The following WDR17 variants were observed in gnomAD, a reference collection of about 807,000 sequenced individuals.
WDR17 encodes the protein WD repeat-containing protein 17.
In WDR17, 143 loss-of-function variants were observed where a neutral mutation model predicts 161.7. That is an observed-to-expected ratio of 0.88 (90% confidence interval 0.77 to 1.02). The LOEUF (loss-of-function observed/expected upper bound fraction) is 1.02, where lower values mean the gene tolerates loss of function less well. Ranked by LOEUF, WDR17 falls within the 50% of genes least tolerant of loss-of-function variation. The pLI is 0.00. For synonymous variants in WDR17, 517 were observed against 515.6 expected (o/e 1.00, Z -0.04); for missense variants, 1,469 against 1,520.9 (o/e 0.97, Z 0.57).
chr4:176,168,792 A>C lies in WDR17; in HGVS notation c.3102+9A>C. The stretch of plus-strand genomic sequence containing the variant: ...ATGACCTTCATGATAAGGTATGCTG[A>C]TGATGTTAAATATTCTGGTTTGGAA... On this transcript the variant is annotated intron_variant, in intron 23 of 28. Coordinates refer to ENST00000508596, the MANE Select transcript of WDR17 (RefSeq NM_181265.4). 6.2e-7 allele frequency: 1 copy of C among 1,604,136 alleles called. No individual in the cohort carries two copies. The highest frequency in any genetic ancestry group is 1.1e-5 in the South Asian group (1 of 88,636).
Position 176,102,120 on chromosome 4 carries a change from A to G in WDR17, c.-6-9455A>G, listed in dbSNP as rs561193829. Among the ~76,000 whole-genome samples, 16 of 152,324 alleles carry G rather than the reference A, an allele frequency of 1.1e-4. No individual in the cohort carries two copies. In the South Asian group the frequency reaches 3.3e-3, roughly 32 times the overall value. Reference sequence around the variant, plus strand: ...GAAAATATTTGCACATCTGCTAAAGATCTGTTATCCAAAATATACAAATAA... The same window carrying G: ...GAAAATATTTGCACATCTGCTAAAGGTCTGTTATCCAAAATATACAAATAA... On this transcript the variant is annotated intron_variant, in intron 1 of 28. Coordinates refer to ENST00000508596, the MANE Select transcript of WDR17 (RefSeq NM_181265.4).
intron 2 of WDR17, among the ~76,000 whole-genome samples, chr4:176,114,920 T>C (rs1019624252): frequency 1.3e-5 from 2 of 151,630 alleles, no homozygotes; most frequent in South Asian, 4.2e-4. Flanking sequence ...TGATCGGCTG[T>C]AATAGAGAAA....
At chr4:176,127,666 T>C (rs760069942) in intron 5 of WDR17, among the ~76,000 whole-genome samples, 6 of 152,200 alleles carry the variant, frequency 3.9e-5, no homozygotes, top group Non-Finnish European at 8.8e-5. Context: ...AAATTCACCA[T>C]TTTTAAAGCA....
chr4:176,120,109 A>G lies in WDR17; in HGVS notation c.538+12A>G. On this transcript the variant is annotated intron_variant, in intron 4 of 28. Coordinates refer to ENST00000508596, the MANE Select transcript of WDR17 (RefSeq NM_181265.4). The stretch of plus-strand genomic sequence containing the variant: ...AATTTTTCATCCAGGTAAGAATTTA[A>G]TTAGCAAGGTATCTTAAATAGTATA... 6.3e-7 allele frequency: 1 copy of G among 1,593,642 alleles called. No homozygotes were observed. Among genetic ancestry groups the G allele is most frequent in the Non-Finnish European group, 8.6e-7 (1 of 1,162,336 alleles).
rs1241297810 is a variant in WDR17 at position 176,172,516 on chromosome 4, G to A, written c.3244G>A (p.Glu1082Lys). 1 of 1,580,830 alleles carries A rather than the reference G, an allele frequency of 6.3e-7. No individual in the cohort carries two copies. The highest frequency in any genetic ancestry group is 2.1e-5 in the Admixed American group (1 of 48,688). ...ALPIGISFVK[E>K]YISSSDWTLD... ...TCCTATTGGTATTAGCTTTGTTAAA[G>A]GTAAGTAATTAGTTGGTAGTAGAAT... The change falls in exon 24 of 29, where the codon GAA becomes AAA. Residue 1082 changes from glutamate to lysine, a missense_variant and splice_region_variant. Transcript: ENST00000508596.
chr4:176,156,289 TAAATG>T (rs1469800059), intron 18 of WDR17, 146 bp downstream of exon 18: 13 of 742,502 alleles, frequency 1.8e-5, no homozygotes, highest in Non-Finnish European at 6.2e-6. Context: ...ACTGATACAG[TAAATG>T]AAATGAATCA....
Position 176,168,694 on chromosome 4 carries a change from C to A in WDR17, c.3013C>A (p.Leu1005Met), listed in dbSNP as rs79450754. 3.0e-3 allele frequency: 4,796 copies of A among 1,613,448 alleles called. 125 individuals carry two copies. The African/African-American group carries it at 0.055, about 19-fold the overall frequency. ...SVWNLAADLL[L>M]MIPDNELHLI... The stretch of plus-strand genomic sequence containing the variant: ...CAGGAATTTGGCAGCTGATCTTCTT[C>A]TGATGATTCCTGATAATGAACTACA... Residue 1005 changes from leucine (L) to methionine (M), a missense_variant, in exon 23 of 29, where the codon CTG (leucine) becomes ATG (methionine). Physicochemically the swap from Leu to Met is conservative, Grantham distance 15. Coordinates refer to ENST00000508596, the MANE Select transcript of WDR17 (RefSeq NM_181265.4).
chr4:176,159,984 A>G lies in WDR17; in HGVS notation c.2526-10A>G. The stretch of plus-strand genomic sequence containing the variant: ...ATATATTGTTTAAAAAACTGTCCTT[A>G]TTTTATTAGGAGAGCTGACCAATTA... On this transcript the variant is annotated splice_polypyrimidine_tract_variant and intron_variant, in intron 18 of 28. Coordinates refer to ENST00000508596, the MANE Select transcript of WDR17 (RefSeq NM_181265.4). 6.3e-7 allele frequency: 1 copy of G among 1,580,642 alleles called. No homozygotes were observed. The highest frequency in any genetic ancestry group is 8.6e-7 in the Non-Finnish European group (1 of 1,159,640).
intron 1 of WDR17, among the ~76,000 whole-genome samples, chr4:176,090,339 C>T (rs1037387252): frequency 1.2e-4 from 18 of 151,812 alleles, no homozygotes; most frequent in African/African-American, 4.4e-4. Context: ...CGCACACCAG[C>T]TCCTCTTCCC....
At chr4:176,151,778 A>T (rs762084374) in intron 16 of WDR17, 34 bp from the exon 17 acceptor site, 14 of 1,533,500 alleles carry the variant, frequency 9.1e-6, no homozygotes, top group Middle Eastern at 1.7e-4. Flanking sequence ...AATATGTCAA[A>T]TTTTTTTAAA....
At chr4:176,089,995 T>A (rs1443915767) in intron 1 of WDR17, among the ~76,000 whole-genome samples, 1 of 152,194 alleles carries the variant, frequency 6.6e-6, no homozygotes, top group East Asian at 1.9e-4. Flanking sequence ...GTCATTATTT[T>A]ATTAAATACT....
Position 176,179,477 on chromosome 4 carries a change from T to C in WDR17, c.3750T>C (p.Leu1250=). The change falls in exon 29 of 29, where the codon CTT becomes CTC. Residue 1250 remains leucine, a synonymous_variant. Coordinates refer to ENST00000508596, the MANE Select transcript of WDR17 (RefSeq NM_181265.4). The stretch of plus-strand genomic sequence containing the variant: ...CTGTGCAGGGCCCTGTGTTTTTCCT[T>C]GAAGACGGGAAATCTGCTATCTCCT... The part of the protein sequence containing the change: ...GLKIQGPVFF[L]EDGKSAISLN... The C allele has an allele frequency of 6.2e-7, 1 of 1,600,296 alleles. No homozygotes were observed. Among genetic ancestry groups the C allele is most frequent in the Non-Finnish European group, 8.5e-7 (1 of 1,172,302 alleles).
At chr4:176,149,206 A>G (rs1025338467) in intron 13 of WDR17, among the ~76,000 whole-genome samples, 3 of 152,080 alleles carry the variant, frequency 2.0e-5, no homozygotes, top group African/African-American at 4.8e-5. Context: ...TAACATTTTC[A>G]TCCATGACCA....
At chr4:176,153,271 A>G (rs1282454320) in intron 17 of WDR17, among the ~76,000 whole-genome samples, 1 of 152,200 alleles carries the variant, frequency 6.6e-6, no homozygotes, top group African/African-American at 2.4e-5. Context: ...TGCTAATACT[A>G]CTTGTCATAA....
At chr4:176,173,246 C>T (rs1196077645) in intron 24 of WDR17, 21 bp from the exon 25 acceptor site, 19 of 1,494,498 alleles carry the variant, frequency 1.3e-5, no homozygotes, top group Non-Finnish European at 1.7e-5. Flanking sequence ...ATGAATCTTC[C>T]ATCTGGTTTA....
rs764218411 is a variant in WDR17, at chr4:176,120,065, A to G, written c.506A>G (p.His169Arg). The G allele has an allele frequency of 1.2e-6, 2 of 1,613,798 alleles. No homozygotes were observed. The highest frequency in any genetic ancestry group is 2.2e-5 in the East Asian group (1 of 44,880). ...THQKGKVVFG[H>R]IDGSLSIFHP... is the part of the protein sequence containing the mutation. ...CAAAAGGGGAAAGTTGTGTTTGGTC[A>G]TATTGATGGAAGTCTATCAATTTTT... is the stretch of plus-strand genomic sequence containing the variant. Residue 169 changes from histidine (H) to arginine (R), a missense_variant, in exon 4 of 29, where the codon CAT becomes CGT. Coordinates refer to ENST00000508596, the MANE Select transcript of WDR17 (RefSeq NM_181265.4).
At chr4:176,118,843 C>A (rs956688733) in intron 3 of WDR17, among the ~76,000 whole-genome samples, 3 of 151,930 alleles carry the variant, frequency 2.0e-5, no homozygotes, top group Non-Finnish European at 4.4e-5. Flanking sequence ...CGCCTGTAGT[C>A]CCAGCTACTC....
intron 4 of WDR17, among the ~76,000 whole-genome samples, chr4:176,121,585 T>C (rs1259330579): frequency 6.6e-6 from 1 of 152,222 alleles, no homozygotes; most frequent in Non-Finnish European, 1.5e-5. Context: ...TTATTCTAAA[T>C]TGCACTCTAG....
At chr4:176,110,359 G>A (rs1026075726) in intron 1 of WDR17, among the ~76,000 whole-genome samples, 18 of 151,874 alleles carry the variant, frequency 1.2e-4, no homozygotes, top group Admixed American at 1.1e-3. Flanking sequence ...GCCTCCTGAC[G>A]TCGTGATCCG....
Sources: gnomAD v4.1 joint callset for allele counts (sites outside exome capture counted in the v4.1 genomes callset) on GRCh38, gnomAD v4.1.1 for gene constraint, MANE v1.5 for transcripts, NCBI Gene and HGNC (gene_info 2026-07-23, HGNC 2026-07-21) for gene names.